The following EP300 variants were observed in gnomAD, a reference collection of about 807,000 sequenced individuals.
EP300 encodes the protein histone acetyltransferase p300.
A neutral mutation model predicts 264.0 loss-of-function variants in EP300; 31 were observed. The ratio of observed to expected loss-of-function variants is 0.12; its 90% confidence interval spans 0.09 to 0.16. The LOEUF is 0.16. Among genes scored for constraint, EP300 ranks in the 10% least tolerant of loss-of-function variants. The pLI is 1.00. For synonymous variants in EP300, 1,340 were observed against 1,045.4 expected (o/e 1.28, Z -5.44); for missense variants, 2,766 against 3,052.9 (o/e 0.91, Z 2.21).
At chr22:41,102,943 G>A (rs922066209) in intron 1 of EP300, among the ~76,000 whole-genome samples, 11 of 152,044 alleles carry the variant, frequency 7.2e-5, no homozygotes, top group African/African-American at 1.9e-4. Context: ...TCCGCCTTCC[G>A]GGTTCAAGCG....
rs1569116302 is a variant in EP300, at chr22:41,168,486, T to C, written c.3912T>C (p.Asn1304=). ...PSTRLGTFLE[N]RVNDFLRRQN... ...CCAGACTTGGCACCTTTCTAGAGAA[T>C]CGTGTGAATGACTTTCTGAGGCGAC... Residue 1304 remains asparagine, a synonymous_variant, in exon 24 of 31, where the codon AAT becomes AAC. Transcript: ENST00000263253. The C allele has an allele frequency of 6.2e-7, 1 of 1,614,228 alleles. No individual in the cohort carries two copies. Among genetic ancestry groups the C allele is most frequent in the Non-Finnish European group, 8.5e-7 (1 of 1,180,038 alleles).
chr22:41,134,976 C>T (rs182518151), intron 6 of EP300, among the ~76,000 whole-genome samples: 12 of 152,064 alleles, frequency 7.9e-5, no homozygotes, highest in Admixed American at 2.0e-4. Context: ...GGCGCCATCT[C>T]GGCTCACTGC....
At chr22:41,162,100 A>G (rs1313130118) in intron 20 of EP300, among the ~76,000 whole-genome samples, 3 of 152,200 alleles carry the variant, frequency 2.0e-5, no homozygotes, top group Admixed American at 2.0e-4. Context: ...AGTGGATCCA[A>G]GTGTCTATTT....
chr22:41,172,424 A>T (rs2145769671), intron 27 of EP300, 75 bp from the exon 28 acceptor site: 1 of 1,328,382 alleles, frequency 7.5e-7, no homozygotes, highest in Non-Finnish European at 1.1e-6. Context: ...GTTTCTTGTC[A>T]GCCATGATTA....
rs1555904630 is a variant in EP300 at position 41,110,128 on chromosome 22, C to CCT, written c.95-7059_95-7058insCT. Reference sequence around the variant, plus strand: ...CCATCCTGTTCCCTGCCCCCCCCCCCTTTTTTTTTAAGTTATTGAGACAGA... The same window carrying CCT: ...CCATCCTGTTCCCTGCCCCCCCCCCCCTTTTTTTTTTAAGTTATTGAGACAGA... On this transcript the variant is annotated intron_variant, in intron 1 of 30. Coordinates refer to ENST00000263253, the MANE Select transcript of EP300 (RefSeq NM_001429.4). Among the ~76,000 whole-genome samples, 87 of 108,540 alleles carry CCT rather than the reference C, an allele frequency of 8.0e-4. 3 individuals carry two copies. Among genetic ancestry groups the CCT allele is most frequent in the Admixed American group, 1.1e-3 (12 of 11,112 alleles). 71.2% of individuals were successfully genotyped at this position (108,540 alleles called of 152,430 possible). A position where few individuals can be genotyped will look rare whatever the true frequency, so the allele number is the denominator to read the frequency against.
At chr22:41,136,706 A>T (rs1249218701) in intron 7 of EP300, among the ~76,000 whole-genome samples, 2 of 152,110 alleles carry the variant, frequency 1.3e-5, no homozygotes, top group Non-Finnish European at 2.9e-5. Context: ...CCATCATCCA[A>T]AGCATTCCCT....
chr22:41,170,287 C>T (rs1233892813), intron 26 of EP300, 119 bp from the exon 27 acceptor site: 11 of 918,930 alleles, frequency 1.2e-5, no homozygotes, highest in Non-Finnish European at 1.7e-5. Context: ...TATATATACA[C>T]TGTGTTATCT....
chr22:41,166,856 T>G (rs1015120757), intron 23 of EP300, among the ~76,000 whole-genome samples, 190 bp downstream of exon 23: 1 of 152,246 alleles, frequency 6.6e-6, no homozygotes, highest in Non-Finnish European at 1.5e-5. Flanking sequence ...GAAAAAAATT[T>G]CCAAGGAACG....
intron 25 of EP300, chr22:41,169,280 C>T (rs2059156742): frequency 6.8e-6 from 4 of 590,270 alleles, no homozygotes; most frequent in South Asian, 4.1e-5. Flanking sequence ...GTGTATGTGC[C>T]AGGCACTGCT....
intron 1 of EP300, among the ~76,000 whole-genome samples, chr22:41,100,569 G>A (rs917112938): frequency 3.9e-5 from 6 of 152,106 alleles, no homozygotes; most frequent in African/African-American, 1.4e-4. Flanking sequence ...AAAATCCATG[G>A]TTGCATCTGT....
At chr22:41,093,169 A>ATT (rs901373416) in intron 1 of EP300, 71 bp downstream of exon 1, 26 of 1,348,654 alleles carry the variant, frequency 1.9e-5, no homozygotes, top group Non-Finnish European at 2.5e-5. Context: ...TTATTCTTCC[A>ATT]TTTTTTTTTT....
At chr22:41,131,352 A>T (rs776577156) in intron 5 of EP300, 36 bp from the exon 6 acceptor site, 13 of 1,610,322 alleles carry the variant, frequency 8.1e-6, no homozygotes, top group Non-Finnish European at 1.0e-5. Context: ...TCTCACCAGC[A>T]TTAATTTGTA....
At position 41,147,850 on chromosome 22, in the gene EP300, T is replaced by C. The variant is rs750344330; in HGVS notation, c.2145T>C (p.Phe715=). The change falls in exon 12 of 31, where the codon TTT becomes TTC. Residue 715 remains phenylalanine, a synonymous_variant. Transcript: ENST00000263253. ...TCATATTCACAGGTTTGAATCAATT[T>C]GGCCAGATGAGCATGGCCCAGCCCC... The part of the protein sequence containing the change: ...RITPQSGLNQ[F]GQMSMAQPPI... 1.5e-5 allele frequency: 24 copies of C among 1,613,912 alleles called. No homozygotes were observed. The highest frequency in any genetic ancestry group is 3.3e-4 in the Middle Eastern group (2 of 6,062).
chr22:41,165,406 A>T (rs2059128672), intron 22 of EP300, among the ~76,000 whole-genome samples: 2 of 152,118 alleles, frequency 1.3e-5, no homozygotes, highest in Admixed American at 6.6e-5. Context: ...ACTCTTTTGT[A>T]CATACAATCA....
chr22:41,143,181 G>A (rs2058992562), intron 10 of EP300, among the ~76,000 whole-genome samples: 1 of 152,192 alleles, frequency 6.6e-6, no homozygotes, highest in Non-Finnish European at 1.5e-5. Context: ...CGGGCATGGT[G>A]GTGGCTCACG....
At chr22:41,134,163 C>CTTTTTTTTTTTTTTTTTTTTTTTTTTTT (rs11362436) in intron 6 of EP300, among the ~76,000 whole-genome samples, 1 of 105,632 alleles carries the variant, frequency 9.5e-6, no homozygotes, top group Non-Finnish European at 1.9e-5. Context: ...TCATTCTTTT[C>CTTTTTTTTTTTTTTTTTTTTTTTTTTTT]TTTTTTTTTT....
intron 13 of EP300, 133 bp downstream of exon 13, chr22:41,149,308 C>CTT: frequency 9.7e-7 from 1 of 1,028,242 alleles, no homozygotes. Flanking sequence ...CAATTTTGGA[C>CTT]TTAGGGTATT....
At position 41,134,429 on chromosome 22, in the gene EP300, G is replaced by A. The variant is rs116027934; in HGVS notation, c.1529-1384G>A. 1.0e-2 allele frequency among the ~76,000 whole-genome samples: 1,514 copies of A among 152,046 alleles called. 30 individuals are homozygous for A. The highest frequency in any genetic ancestry group is 0.034 in the African/African-American group (1,427 of 41,518). Reference sequence around the variant, plus strand: ...ATGTGTGTGTTTGAGACTGGGTCTCGCTGTGTCACCCAGGCTGGAGTGCAG... The same window carrying A: ...ATGTGTGTGTTTGAGACTGGGTCTCACTGTGTCACCCAGGCTGGAGTGCAG... On this transcript the variant is annotated intron_variant, in intron 6 of 30. Transcript: ENST00000263253.
intron 2 of EP300, among the ~76,000 whole-genome samples, chr22:41,125,597 A>T (rs1218452522): frequency 6.6e-6 from 1 of 151,016 alleles, no homozygotes; most frequent in East Asian, 2.0e-4. Context: ...GCTCCCTACA[A>T]CCTCTACCTC....
Sources: allele counts gnomAD v4.1 joint callset (sites outside exome capture counted in the v4.1 genomes callset), GRCh38; gene constraint gnomAD v4.1.1; transcripts MANE v1.5; gene names NCBI Gene and HGNC (gene_info 2026-07-23, HGNC 2026-07-21).